GARIN2: variants seen among roughly 807,000 people sequenced by gnomAD.
GARIN2 encodes the protein Golgi-associated RAB2 interactor protein 2.
the GARIN2 span, among the ~76,000 whole-genome samples, chr14:67,192,859 G>A: frequency 1.4e-5 from 2 of 142,216 alleles, no homozygotes; most frequent in Non-Finnish European, 3.1e-5. Context: ...TAGATATACA[G>A]ATATATATAG....
At chr14:67,215,185 AAGCCCTAC>A in the GARIN2 span, among the ~76,000 whole-genome samples, 2 of 152,138 alleles carry the variant, frequency 1.3e-5, no homozygotes, top group African/African-American at 4.8e-5. Context: ...GCTTCTCCTG[AAGCCCTAC>A]AGTCAAAATA....
the GARIN2 span, among the ~76,000 whole-genome samples, chr14:67,204,310 A>G: frequency 6.6e-6 from 1 of 152,142 alleles, no homozygotes; most frequent in South Asian, 2.1e-4. Flanking sequence ...TTGGTGGTAC[A>G]TATCTGTTGT....
the GARIN2 span, chr14:67,223,860 C>T: frequency 2.0e-6 from 2 of 985,746 alleles, no homozygotes; most frequent in Non-Finnish European, 2.4e-6. Context: ...TCACTTAACA[C>T]CCTGTACCCC....
chr14:67,224,927 A>G, the GARIN2 span: 2 of 477,524 alleles, frequency 4.2e-6, no homozygotes, highest in Admixed American at 4.2e-5. Flanking sequence ...ATTCAACAAT[A>G]AGCTCCATTG....
chr14:67,199,083 G>A, the GARIN2 span: 20 of 994,180 alleles, frequency 2.0e-5, no homozygotes, highest in African/African-American at 7.9e-5. Context: ...GCCGATCTCC[G>A]AGCGGAACCA....
chr14:67,190,068 A>ATTTT, the GARIN2 span, among the ~76,000 whole-genome samples: 4 of 115,446 alleles, frequency 3.5e-5, no homozygotes, highest in East Asian at 2.4e-4. Context: ...TGCCCAGCTA[A>ATTTT]TTTTTTTTTT....
At chr14:67,228,540 T>C in the GARIN2 span, 1 of 152,002 alleles carries the variant, frequency 6.6e-6, no homozygotes, top group African/African-American at 2.4e-5. Context: ...AGCCTATGAC[T>C]AATCATTACG....
chr14:67,207,789 A>T, the GARIN2 span, among the ~76,000 whole-genome samples: 1 of 152,144 alleles, frequency 6.6e-6, no homozygotes, highest in African/African-American at 2.4e-5. Flanking sequence ...ACAAAAAAAA[A>T]TTTCTTTTAT....
At chr14:67,210,667 A>G in the GARIN2 span, among the ~76,000 whole-genome samples, 2 of 151,828 alleles carry the variant, frequency 1.3e-5, no homozygotes, top group South Asian at 4.2e-4. Context: ...TGTAAAAGTA[A>G]ATTGAATCTA....
the GARIN2 span, among the ~76,000 whole-genome samples, chr14:67,221,324 T>C: frequency 2.0e-5 from 3 of 152,198 alleles, no homozygotes; most frequent in South Asian, 6.2e-4. Flanking sequence ...CAGAAGTTGG[T>C]GATTTCTCCT....
At chr14:67,221,705 A>T in the GARIN2 span, 3 of 1,579,266 alleles carry the variant, frequency 1.9e-6, no homozygotes, top group South Asian at 3.5e-5. Context: ...CGGTTATTTT[A>T]TATCTAGTAG....
At chr14:67,212,619 TATATATTATATATAATATATATTAC>T in the GARIN2 span, among the ~76,000 whole-genome samples, 1 of 145,100 alleles carries the variant, frequency 6.9e-6, no homozygotes, top group South Asian at 2.1e-4. Context: ...ATATATGTAA[TATATATTATATATAATATATATTAC>T]ATATATATAT....
At chr14:67,190,649 A>G in the GARIN2 span, among the ~76,000 whole-genome samples, 2 of 152,196 alleles carry the variant, frequency 1.3e-5, no homozygotes, top group Admixed American at 1.3e-4. Context: ...AAATATTTCA[A>G]AGATTCAGAA....
the GARIN2 span, among the ~76,000 whole-genome samples, chr14:67,203,869 G>A: frequency 2.2e-4 from 34 of 152,200 alleles, no homozygotes; most frequent in Admixed American, 2.0e-4. Flanking sequence ...ACACCACCAC[G>A]CTCAGCTAAT....
chr14:67,208,092 T>C, the GARIN2 span: 1 of 1,449,476 alleles, frequency 6.9e-7, no homozygotes, highest in Non-Finnish European at 9.3e-7. Context: ...TCCTCACGGG[T>C]GCTCAGTGAC....
At chr14:67,199,933 C>G in the GARIN2 span, 10 of 1,441,474 alleles carry the variant, frequency 6.9e-6, no homozygotes, top group Non-Finnish European at 9.3e-6. Context: ...TGGACACTCC[C>G]AAGCTCACCC....
the GARIN2 span, among the ~76,000 whole-genome samples, chr14:67,193,543 ATATC>A: frequency 8.9e-3 from 1,288 of 144,716 alleles, 21 homozygotes; most frequent in African/African-American, 0.031. Context: ...ATAGAAATAT[ATATC>A]TATATATAGA....
the GARIN2 span, chr14:67,204,719 T>C: frequency 6.2e-7 from 1 of 1,613,982 alleles, no homozygotes; most frequent in South Asian, 1.1e-5. Context: ...AAAGCCAAAG[T>C]TTCCAAAGTG....
At chr14:67,203,240 C>G in the GARIN2 span, 2 of 1,611,644 alleles carry the variant, frequency 1.2e-6, no homozygotes, top group South Asian at 2.2e-5. Flanking sequence ...ATACAGAAAC[C>G]CTGTTTAAAA....
Sources: gnomAD v4.1 joint callset for allele counts (sites outside exome capture counted in the v4.1 genomes callset) on GRCh38, gnomAD v4.1.1 for gene constraint, MANE v1.5 for transcripts, NCBI Gene and HGNC (gene_info 2026-07-23, HGNC 2026-07-21) for gene names.